UMPS: variants seen among roughly 807,000 people sequenced by gnomAD.
UMPS encodes the protein uridine monophosphate synthetase, also known as uridine 5'-monophosphate synthase.
A neutral mutation model predicts 38.9 loss-of-function variants in UMPS; 21 were observed. The observed-to-expected ratio is 0.54, with a 90% CI of 0.38 to 0.78. The LOEUF (loss-of-function observed/expected upper bound fraction) is 0.78. Among genes scored for constraint, UMPS ranks in the 30% least tolerant of loss-of-function variants. The pLI is 0.00. For missense variants in UMPS, 533 were observed against 591.6 expected, an observed-to-expected ratio of 0.90 and a Z score of 1.03; for synonymous variants, 208 against 219.3, an observed-to-expected ratio of 0.95 and a Z score of 0.45.
At chr3:124,731,484 A>G (rs1367776346) in intron 1 of UMPS, 1 of 440,584 alleles carries the variant, frequency 2.3e-6, no homozygotes, top group East Asian at 7.2e-5. Context: ...TTGTGTTATT[A>G]TTTTATTTAT....
intron 5 of UMPS, among the ~76,000 whole-genome samples, chr3:124,743,302 C>G (rs1190665808): frequency 6.6e-6 from 1 of 151,174 alleles, no homozygotes; most frequent in Non-Finnish European, 1.5e-5. Context: ...CCATTGCACT[C>G]CAGCCTGGGT....
rs913399714 is a variant in UMPS at position 124,747,514 on chromosome 3, C to G, written c.*3430C>G. ...TGCCACCACATGGGAAGAATATGCC[C>G]TGGTTAGCCCATGGCTTCTGAAGAG... On this transcript the variant is annotated 3_prime_UTR_variant, in exon 6 of 6. Transcript: ENST00000232607. 1.1e-5 allele frequency: 5 copies of G among 454,118 alleles called. No individual in the cohort carries two copies. In the East Asian group the frequency reaches 2.8e-4, roughly 25 times the overall value. The allele number at this position is 454,118 out of a possible 1,614,324, so 28.1% of individuals were successfully genotyped here.
chr3:124,738,860 A>G (rs1385666851), intron 3 of UMPS: 2 of 152,738 alleles, frequency 1.3e-5, no homozygotes, highest in African/African-American at 2.4e-5. Context: ...TCTACTGCCT[A>G]TTCTATGCAA....
At position 124,735,269 on chromosome 3, in the gene UMPS, C is replaced by T. The variant is rs1367922506; in HGVS notation, c.310+23C>T. 4.4e-5 allele frequency: 71 copies of T among 1,596,590 alleles called. No individual in the cohort carries two copies. The Admixed American group carries it at 1.1e-3, about 26-fold the overall frequency. On this transcript the variant is annotated intron_variant, in intron 2 of 5. Transcript: ENST00000232607. ...ATGGTAAAATAAAAGTAACATAAAG[C>T]ATGAAGTTAATTAATCTGTAACATC...
At chr3:124,738,361 C>T in intron 3 of UMPS, 122 bp downstream of exon 3, 1 of 1,017,558 alleles carries the variant, frequency 9.8e-7, no homozygotes. Flanking sequence ...GTGGTTGGAT[C>T]CAGGAGCTCA....
chr3:124,746,589 C>T lies in UMPS; in HGVS notation c.*2505C>T, dbSNP rs2063600102. On this transcript the variant is annotated 3_prime_UTR_variant, in exon 6 of 6. Coordinates refer to ENST00000232607, the MANE Select transcript of UMPS (RefSeq NM_000373.4). ...CCCTTTCTCAGTCAAGGAATATTTA[C>T]AGAACATGATCTCTGGGCATTGTAA... 4.4e-6 allele frequency: 2 copies of T among 453,950 alleles called. No homozygotes were observed. Among genetic ancestry groups the T allele is most frequent in the African/African-American group, 2.0e-5 (1 of 49,976 alleles). 28.1% of individuals were successfully genotyped at this position (453,950 alleles called of 1,614,324 possible). A position where few individuals can be genotyped will look rare whatever the true frequency, so the allele number is the denominator to read the frequency against.
Position 124,735,222 on chromosome 3 carries a change from A to G in UMPS, c.286A>G (p.Arg96Gly), listed in dbSNP as rs121917890. Residue 96 changes from arginine to glycine, a missense_variant, in exon 2 of 6, where the codon AGA becomes GGA. Transcript: ENST00000232607. ...CSTNQIPMLI[R>G]RKETKDYGTK... is the part of the protein sequence containing the mutation. The stretch of plus-strand genomic sequence containing the variant: ...AACCAATCAAATTCCAATGCTTATT[A>G]GAAGGAAAGAAACAAAGGATTATGG... 16 of 1,613,558 alleles carry G rather than the reference A, an allele frequency of 9.9e-6. No homozygotes were observed. The East Asian group carries it at 3.6e-4, about 36-fold the overall frequency.
In UMPS at chr3:124,749,177, A is replaced by G. The variant is rs1163504917; in HGVS notation, c.*5093A>G. 1 of 454,114 alleles carries G rather than the reference A, an allele frequency of 2.2e-6. No homozygotes were observed. The highest frequency in any genetic ancestry group is 4.4e-6 in the Non-Finnish European group (1 of 226,786). The allele number at this position is 454,114 out of a possible 1,614,324, so 28.1% of individuals were successfully genotyped here. A position where few individuals can be genotyped will look rare whatever the true frequency, so the allele number is the denominator to read the frequency against. ...AATGTTGTTTTCTGCCACAACTTGA[A>G]TAGATACTTGAAGCAGAGATGATGT... On this transcript the variant is annotated 3_prime_UTR_variant, in exon 6 of 6. Transcript: ENST00000232607.
At position 124,749,189 on chromosome 3, in the gene UMPS, A is replaced by G; in HGVS notation, c.*5105A>G. On this transcript the variant is annotated 3_prime_UTR_variant, in exon 6 of 6. Transcript: ENST00000232607. ...TGCCACAACTTGAATAGATACTTGA[A>G]GCAGAGATGATGTTGAGTTAAAAAA... is the stretch of plus-strand genomic sequence containing the variant. 2.2e-6 allele frequency: 1 copy of G among 454,090 alleles called. No individual in the cohort carries two copies. Among genetic ancestry groups the G allele is most frequent in the Non-Finnish European group, 4.4e-6 (1 of 226,784 alleles). The allele number at this position is 454,090 out of a possible 1,614,324, so 28.1% of individuals were successfully genotyped here.
chr3:124,735,814 T>C (rs2063514450), intron 2 of UMPS, among the ~76,000 whole-genome samples: 1 of 152,006 alleles, frequency 6.6e-6, no homozygotes, highest in Non-Finnish European at 1.5e-5. Flanking sequence ...CCGTCTCTAC[T>C]AAAAATACAA....
At position 124,747,451 on chromosome 3, in the gene UMPS, C is replaced by A. The variant is rs768556841; in HGVS notation, c.*3367C>A. 2.2e-5 allele frequency: 10 copies of A among 454,126 alleles called. No individual in the cohort carries two copies. The highest frequency in any genetic ancestry group is 1.4e-4 in the South Asian group (9 of 64,528). 28.1% of individuals were successfully genotyped at this position (454,126 alleles called of 1,614,324 possible). A position where few individuals can be genotyped will look rare whatever the true frequency, so the allele number is the denominator to read the frequency against. Reference sequence around the variant, plus strand: ...CTCAGTACCAGTTCCGAGCCTGAACCCAAACTCTCGTGTTTCTGCTCACCC... The same window carrying A: ...CTCAGTACCAGTTCCGAGCCTGAACACAAACTCTCGTGTTTCTGCTCACCC... On this transcript the variant is annotated 3_prime_UTR_variant, in exon 6 of 6. Coordinates refer to ENST00000232607, the MANE Select transcript of UMPS (RefSeq NM_000373.4).
intron 5 of UMPS, among the ~76,000 whole-genome samples, chr3:124,743,675 TA>T (rs1198890819): frequency 4.0e-5 from 6 of 151,804 alleles, no homozygotes; most frequent in Non-Finnish European, 7.4e-5. Flanking sequence ...AATAAATAAA[TA>T]AATAAAATAA....
At position 124,746,112 on chromosome 3, in the gene UMPS, A is replaced by C. The variant is rs936043090; in HGVS notation, c.*2028A>C. ...CAGCCTTGAGGTCTGCCTCCTGCTA[A>C]GAGTCACATGCTCCTGTCCTTTAGA... On this transcript the variant is annotated 3_prime_UTR_variant, in exon 6 of 6. Coordinates refer to ENST00000232607, the MANE Select transcript of UMPS (RefSeq NM_000373.4). 2.9e-5 allele frequency: 13 copies of C among 453,950 alleles called. No individual in the cohort carries two copies. Among genetic ancestry groups the C allele is most frequent in the Non-Finnish European group, 4.4e-5 (10 of 226,740 alleles). 28.1% of individuals were successfully genotyped at this position (453,950 alleles called of 1,614,324 possible). A position where few individuals can be genotyped will look rare whatever the true frequency, so the allele number is the denominator to read the frequency against.
In UMPS at chr3:124,747,783, A is replaced by G. The variant is rs2063614019; in HGVS notation, c.*3699A>G. The G allele has an allele frequency of 2.2e-6, 1 of 450,426 alleles. No homozygotes were observed. Among genetic ancestry groups the G allele is most frequent in the Non-Finnish European group, 4.5e-6 (1 of 223,614 alleles). The allele number at this position is 450,426 out of a possible 1,614,324, so 27.9% of individuals were successfully genotyped here. On this transcript the variant is annotated 3_prime_UTR_variant, in exon 6 of 6. Transcript: ENST00000232607. Reference sequence around the variant, plus strand: ...CAGGAACCAGTCTTCTGCCTTCCCAACCATCACCTCTGGCTGCATCAGCGA... The same window carrying G: ...CAGGAACCAGTCTTCTGCCTTCCCAGCCATCACCTCTGGCTGCATCAGCGA...
rs13089678 is a variant in UMPS at position 124,748,421 on chromosome 3, A to G, written c.*4337A>G. On this transcript the variant is annotated 3_prime_UTR_variant, in exon 6 of 6. Coordinates refer to ENST00000232607, the MANE Select transcript of UMPS (RefSeq NM_000373.4). ...ATAACCCTTCCAAAGGAAGGCCGCA[A>G]TAGAAATACAAAGAGAAACAAAATA... is the stretch of plus-strand genomic sequence containing the variant. 2.2e-6 allele frequency: 1 copy of G among 454,042 alleles called. No individual in the cohort carries two copies. The highest frequency in any genetic ancestry group is 4.4e-6 in the Non-Finnish European group (1 of 226,792). The allele number at this position is 454,042 out of a possible 1,614,324, so 28.1% of individuals were successfully genotyped here.
intron 5 of UMPS, among the ~76,000 whole-genome samples, chr3:124,742,816 C>T (rs1412373912): frequency 1.3e-5 from 2 of 152,162 alleles, no homozygotes; most frequent in Non-Finnish European, 2.9e-5. Flanking sequence ...TCAGCAGTGC[C>T]TTGTGGTGAT....
At chr3:124,736,423 A>G (rs2063518681) in intron 2 of UMPS, among the ~76,000 whole-genome samples, 1 of 104,830 alleles carries the variant, frequency 9.5e-6, no homozygotes, top group East Asian at 2.8e-4. Context: ...AAAGAAACAT[A>G]TTAGTTGAGT....
intron 3 of UMPS, chr3:124,738,657 G>A (rs2063534881): frequency 6.2e-6 from 1 of 160,160 alleles, no homozygotes; most frequent in Admixed American, 6.2e-5. Context: ...AAGCAAATTT[G>A]ACAGATGTCC....
chr3:124,744,040 A>G lies in UMPS; in HGVS notation c.1399A>G (p.Arg467Gly). 6.2e-7 allele frequency: 1 copy of G among 1,614,240 alleles called. No homozygotes were observed. The highest frequency in any genetic ancestry group is 8.5e-7 in the Non-Finnish European group (1 of 1,180,026). Residue 467 changes from arginine to glycine, a missense_variant, in exon 6 of 6, where the codon AGA (arginine) becomes GGA (glycine). By Grantham distance (125) the Arg-to-Gly change is moderately radical. Coordinates refer to ENST00000232607, the MANE Select transcript of UMPS (RefSeq NM_000373.4). ...TCGTCTGGAAGCAGCAGAGATGTACAGAAAAGCTGCTTGGGAAGCGTATTT... is the reference window on the plus strand; with the variant it reads ...TCGTCTGGAAGCAGCAGAGATGTACGGAAAAGCTGCTTGGGAAGCGTATTT... ...ADRLEAAEMY[R>G]KAAWEAYLSR... is the part of the protein sequence containing the mutation.
Sources: allele counts gnomAD v4.1 joint callset (sites outside exome capture counted in the v4.1 genomes callset), GRCh38; gene constraint gnomAD v4.1.1; transcripts MANE v1.5; gene names NCBI Gene and HGNC (gene_info 2026-07-23, HGNC 2026-07-21).